MPP7: variants seen among roughly 807,000 people sequenced by gnomAD.
MPP7 encodes the protein MAGUK p55 scaffold protein 7, also known as MAGUK p55 subfamily member 7.
Under a neutral mutation model 76.5 loss-of-function variants are expected in MPP7, and 60 were observed. That is an observed-to-expected ratio of 0.78 (90% CI 0.64 to 0.97). The LOEUF is 0.97. MPP7 is among the 50% of genes least tolerant of loss of function. MPP7 has a pLI of 0.00. For synonymous variants in MPP7, 237 were observed against 244.5 expected (o/e 0.97, Z 0.29); for missense variants, 641 against 694.0 (o/e 0.92, Z 0.86).
chr10:28,157,790 A>G (rs1180430058), intron 3 of MPP7, among the ~76,000 whole-genome samples: 1 of 152,186 alleles, frequency 6.6e-6, no homozygotes, highest in Non-Finnish European at 1.5e-5. Context: ...TCTGAGTCTT[A>G]GCTAAAATGT....
intron 2 of MPP7, chr10:28,202,956 G>A (rs1470323000): frequency 6.6e-6 from 1 of 151,984 alleles, no homozygotes; most frequent in Non-Finnish European, 1.5e-5. Flanking sequence ...CCACTTCCTA[G>A]GGGCAGACAG....
intron 1 of MPP7, among the ~76,000 whole-genome samples, chr10:28,287,886 T>A (rs945543345): frequency 6.6e-6 from 1 of 152,194 alleles, no homozygotes; most frequent in East Asian, 1.9e-4. Context: ...TTTACTGATA[T>A]GGTTTCAGAT....
intron 12 of MPP7, among the ~76,000 whole-genome samples, chr10:28,082,757 C>A (rs1380667648): frequency 1.5e-4 from 23 of 152,180 alleles, no homozygotes. Flanking sequence ...GTGTGAGTCA[C>A]TGCGCTCAGT....
intron 6 of MPP7, among the ~76,000 whole-genome samples, chr10:28,126,708 T>C (rs976608306): frequency 5.3e-5 from 8 of 152,218 alleles, no homozygotes; most frequent in African/African-American, 1.9e-4. Flanking sequence ...TCCCTCCTTG[T>C]ATGTGCATGC....
At chr10:28,186,585 G>A (rs1318183743) in intron 3 of MPP7, among the ~76,000 whole-genome samples, 1 of 152,186 alleles carries the variant, frequency 6.6e-6, no homozygotes, top group Non-Finnish European at 1.5e-5. Flanking sequence ...GTGGGAAATG[G>A]ACTTTGAGAA....
chr10:28,222,236 G>A (rs1015575613), intron 2 of MPP7, among the ~76,000 whole-genome samples: 1 of 151,788 alleles, frequency 6.6e-6, no homozygotes, highest in East Asian at 1.9e-4. Flanking sequence ...AGTGGCTCAG[G>A]CTTGTAAATC....
intron 12 of MPP7, among the ~76,000 whole-genome samples, chr10:28,071,209 C>T (rs1411284455): frequency 6.6e-6 from 1 of 152,154 alleles, no homozygotes; most frequent in Admixed American, 6.5e-5. Flanking sequence ...CTTCTTCCAC[C>T]CTGAGGAGGT....
At chr10:28,189,333 C>T (rs750652514) in intron 3 of MPP7, among the ~76,000 whole-genome samples, 17 of 151,662 alleles carry the variant, frequency 1.1e-4, no homozygotes, top group Non-Finnish European at 1.8e-4. Flanking sequence ...GAGGCTAAGG[C>T]GGGAGGATCA....
At chr10:28,118,191 T>G (rs1834718073) in intron 11 of MPP7, 1 of 984,962 alleles carries the variant, frequency 1.0e-6, no homozygotes. Context: ...CAAACACACA[T>G]ACCCCCACAC....
At chr10:28,196,180 T>A (rs1837575473) in intron 3 of MPP7, among the ~76,000 whole-genome samples, 1 of 152,102 alleles carries the variant, frequency 6.6e-6, no homozygotes, top group African/African-American at 2.4e-5. Context: ...TTATCCTCAG[T>A]TCAATATTCA....
rs922461537 is a variant in MPP7, at chr10:28,284,197, G to C, written c.-132+18664C>G. Among the ~76,000 whole-genome samples the C allele has an allele frequency of 3.3e-5, 5 of 152,294 alleles. No individual in the cohort carries two copies. The East Asian group carries it at 9.6e-4, about 29-fold the overall frequency. Reference sequence around the variant, plus strand: ...GAGGATACCACTCTGAAATGCACATGAAAGGAAGCACACAGGAAAAACCAG... The same window carrying C: ...GAGGATACCACTCTGAAATGCACATCAAAGGAAGCACACAGGAAAAACCAG... On this transcript the variant is annotated intron_variant, in intron 1 of 16. Coordinates refer to ENST00000683449, the MANE Select transcript of MPP7 (RefSeq NM_001318170.2).
At chr10:28,211,451 AT>A (rs1838132850) in intron 2 of MPP7, among the ~76,000 whole-genome samples, 1 of 133,172 alleles carries the variant, frequency 7.5e-6, no homozygotes, top group Non-Finnish European at 1.6e-5. Flanking sequence ...TGCCATATAT[AT>A]ATATATATAT....
At chr10:28,231,065 G>T (rs10826431) in intron 2 of MPP7, among the ~76,000 whole-genome samples, 26,331 of 150,798 alleles carry the variant, frequency 0.17, 2,584 homozygotes, top group African/African-American at 0.27. Context: ...AATACTTATT[G>T]AAATTAACCA....
intron 1 of MPP7, among the ~76,000 whole-genome samples, chr10:28,272,516 C>T (rs183263283): frequency 6.6e-6 from 1 of 152,066 alleles, no homozygotes; most frequent in African/African-American, 2.4e-5. Context: ...AAAAGAAGTG[C>T]TTTTCATTGG....
intron 15 of MPP7, chr10:28,057,837 GAAACC>G: frequency 7.9e-7 from 1 of 1,264,234 alleles, no homozygotes; most frequent in Non-Finnish European, 1.0e-6. Flanking sequence ...AGTGGAAGGA[GAAACC>G]ATGGTCCCTG....
In MPP7 at chr10:28,300,148, T is replaced by C. The variant is rs531366820; in HGVS notation, c.-132+2713A>G. 5.9e-5 allele frequency among the ~76,000 whole-genome samples: 9 copies of C among 152,294 alleles called. 1 individual carries two copies. In the East Asian group the frequency reaches 1.2e-3, roughly 20 times the overall value. On this transcript the variant is annotated intron_variant, in intron 1 of 16. Coordinates refer to ENST00000683449, the MANE Select transcript of MPP7 (RefSeq NM_001318170.2). ...AAACAGCTGCAGTACCTTTGTATCT[T>C]TGTCAGTGAAATGTTTATAACAAGG...
intron 5 of MPP7, among the ~76,000 whole-genome samples, chr10:28,140,292 C>T (rs1383031110): frequency 1.3e-5 from 2 of 152,272 alleles, no homozygotes; most frequent in African/African-American, 4.8e-5. Flanking sequence ...AGGCGGATCA[C>T]CAGACGTCAG....
At chr10:28,161,415 A>G (rs1012929665) in intron 3 of MPP7, among the ~76,000 whole-genome samples, 12 of 134,336 alleles carry the variant, frequency 8.9e-5, no homozygotes. Flanking sequence ...AGAGTTATCT[A>G]AAATGTTTTT....
intron 3 of MPP7, among the ~76,000 whole-genome samples, chr10:28,199,617 CTTT>C (rs150157698): frequency 0.18 from 26,504 of 151,040 alleles, 2,910 homozygotes; most frequent in East Asian, 0.56. Flanking sequence ...TGCCCCCAAA[CTTT>C]TTTTTTAAGA....
Sources: gnomAD v4.1 joint callset for allele counts (sites outside exome capture counted in the v4.1 genomes callset) on GRCh38, gnomAD v4.1.1 for gene constraint, MANE v1.5 for transcripts, NCBI Gene and HGNC (gene_info 2026-07-23, HGNC 2026-07-21) for gene names.